Variants in IGF1 observed in about 807,000 individuals in gnomAD.
IGF1 encodes the protein insulin-like growth factor 1.
A neutral mutation model predicts 13.8 loss-of-function variants in IGF1; 4 were observed. The ratio of observed to expected loss-of-function variants is 0.29; its 90% CI spans 0.14 to 0.66. The LOEUF (loss-of-function observed/expected upper bound fraction) is 0.66, where lower values mean the gene tolerates loss of function less well. Among genes scored for constraint, IGF1 ranks in the 30% least tolerant of loss-of-function variants. The pLI is 0.78. For missense variants in IGF1, 124 were observed against 188.5 expected, an observed-to-expected ratio of 0.66 and a Z score of 2.00; for synonymous variants, 76 against 72.6, an observed-to-expected ratio of 1.05 and a Z score of -0.23.
intron 2 of IGF1, among the ~76,000 whole-genome samples, chr12:102,445,720 C>CCCTT (rs1878255522): frequency 6.6e-6 from 1 of 151,466 alleles, no homozygotes; most frequent in Non-Finnish European, 1.5e-5. Flanking sequence ...TATTTGAAAA[C>CCCTT]TATTTCTTTC....
intron 2 of IGF1, among the ~76,000 whole-genome samples, chr12:102,473,532 G>A (rs114570117): frequency 0.013 from 1,922 of 152,190 alleles, 55 homozygotes; most frequent in African/African-American, 0.043. Context: ...AGGGTATGTC[G>A]GATTAACATA....
chr12:102,417,894 A>G (rs757102259), intron 3 of IGF1: 33 of 1,613,488 alleles, frequency 2.0e-5, no homozygotes, highest in Non-Finnish European at 2.6e-5. Context: ...CTTTCCTCTG[A>G]TCTGCAGACT....
chr12:102,475,562 TCA>T, intron 2 of IGF1, 79 bp downstream of exon 2: 1 of 1,513,410 alleles, frequency 6.6e-7, no homozygotes, highest in Non-Finnish European at 9.2e-7. Context: ...ATTCAGTTAT[TCA>T]CACACTCCCT....
chr12:102,438,447 A>G (rs1011364294), intron 2 of IGF1, among the ~76,000 whole-genome samples: 4 of 152,212 alleles, frequency 2.6e-5, no homozygotes, highest in Admixed American at 1.3e-4. Flanking sequence ...TATTTTGCAG[A>G]GTCTTAAAGT....
At chr12:102,461,060 A>C (rs1879858305) in intron 2 of IGF1, among the ~76,000 whole-genome samples, 1 of 152,200 alleles carries the variant, frequency 6.6e-6, no homozygotes, top group South Asian at 2.1e-4. Context: ...TAATAATCAA[A>C]TCTACCAAGT....
At chr12:102,426,362 T>C (rs1056306077) in intron 2 of IGF1, among the ~76,000 whole-genome samples, 1 of 152,236 alleles carries the variant, frequency 6.6e-6, no homozygotes, top group Non-Finnish European at 1.5e-5. Context: ...TGGTATATGG[T>C]AAACTATATA....
At chr12:102,413,563 T>C (rs188030601) in intron 3 of IGF1, among the ~76,000 whole-genome samples, 59 of 152,126 alleles carry the variant, frequency 3.9e-4, no homozygotes, top group African/African-American at 1.4e-3. Context: ...CAAGAGATGT[T>C]TGAAAAAAGA....
chr12:102,411,685 T>C (rs1874655681), intron 3 of IGF1, among the ~76,000 whole-genome samples: 1 of 152,244 alleles, frequency 6.6e-6, no homozygotes, highest in Admixed American at 6.5e-5. Context: ...TATCTTCATA[T>C]GGGCATTTTG....
chr12:102,401,896 TATATTTGGTACAA>T lies in IGF1; in HGVS notation c.*598_*610del, dbSNP rs1873710468. 1 of 152,614 alleles carries T rather than the reference TATATTTGGTACAA, an allele frequency of 6.6e-6. No individual in the cohort carries two copies. The highest frequency in any genetic ancestry group is 1.5e-5 in the Non-Finnish European group (1 of 68,040). The allele number at this position is 152,614 out of a possible 1,614,324, so 9.5% of individuals were successfully genotyped here. A position where few individuals can be genotyped will look rare whatever the true frequency, so the allele number is the denominator to read the frequency against. On this transcript the variant is annotated 3_prime_UTR_variant, in exon 4 of 4. Transcript: ENST00000337514. ...TGTCTAAAATAAAATGCATCCAACT[TATATTTGGTACAA>T]ATGCCACAGATGGAATCTTGTGGGT...
At chr12:102,437,910 A>G (rs1877384256) in intron 2 of IGF1, among the ~76,000 whole-genome samples, 1 of 152,194 alleles carries the variant, frequency 6.6e-6, no homozygotes, top group Admixed American at 6.5e-5. Context: ...TTATGTGTCA[A>G]TTAAAAGCAA....
intron 3 of IGF1, among the ~76,000 whole-genome samples, chr12:102,402,949 C>T (rs766768568): frequency 3.3e-5 from 5 of 152,162 alleles, no homozygotes; most frequent in Non-Finnish European, 7.4e-5. Flanking sequence ...GATTCATCCT[C>T]TGTTGTTTTA....
intron 2 of IGF1, among the ~76,000 whole-genome samples, chr12:102,425,729 A>G (rs1876145282): frequency 6.6e-6 from 1 of 152,230 alleles, no homozygotes; most frequent in Non-Finnish European, 1.5e-5. Flanking sequence ...CAGAAACATT[A>G]CTGTTTTAGG....
At chr12:102,453,168 C>T (rs577339113) in intron 2 of IGF1, among the ~76,000 whole-genome samples, 22 of 152,298 alleles carry the variant, frequency 1.4e-4, no homozygotes, top group African/African-American at 5.1e-4. Context: ...CATTAGCATT[C>T]TTTTACAGTC....
At chr12:102,422,273 T>C (rs1221508913) in intron 2 of IGF1, among the ~76,000 whole-genome samples, 1 of 152,204 alleles carries the variant, frequency 6.6e-6, no homozygotes, top group Non-Finnish European at 1.5e-5. Context: ...CAGACTTCGA[T>C]TTTGCCATAA....
intron 2 of IGF1, among the ~76,000 whole-genome samples, chr12:102,443,775 G>A (rs766346830): frequency 4.0e-5 from 6 of 151,864 alleles, no homozygotes; most frequent in Non-Finnish European, 8.8e-5. Context: ...AGCAACAGTA[G>A]GCAAAAAACA....
At chr12:102,457,524 A>T (rs1015829677) in intron 2 of IGF1, among the ~76,000 whole-genome samples, 4 of 152,186 alleles carry the variant, frequency 2.6e-5, no homozygotes, top group African/African-American at 9.7e-5. Flanking sequence ...GGCCTCTCTC[A>T]GTCTATAGAA....
chr12:102,419,454 A>ATG, intron 3 of IGF1, 55 bp downstream of exon 3: 1 of 1,564,318 alleles, frequency 6.4e-7, no homozygotes, highest in South Asian at 1.2e-5. Flanking sequence ...GCCCACCCAC[A>ATG]TGCACAAGAG....
chr12:102,402,947 C>T (rs982023272), intron 3 of IGF1, among the ~76,000 whole-genome samples: 11 of 152,146 alleles, frequency 7.2e-5, no homozygotes, highest in African/African-American at 1.9e-4. Context: ...TGGATTCATC[C>T]TCTGTTGTTT....
chr12:102,465,852 G>T (rs1334628317), intron 2 of IGF1, among the ~76,000 whole-genome samples: 1 of 151,326 alleles, frequency 6.6e-6, no homozygotes, highest in Non-Finnish European at 1.5e-5. Context: ...CGGGAGAATT[G>T]CTTGAACCTA....
Sources: allele counts gnomAD v4.1 joint callset (sites outside exome capture counted in the v4.1 genomes callset), GRCh38; gene constraint gnomAD v4.1.1; transcripts MANE v1.5; gene names NCBI Gene and HGNC (gene_info 2026-07-23, HGNC 2026-07-21).